Variants in FARP2 observed in about 807,000 individuals in gnomAD.
FARP2 encodes FERM, ARH/RhoGEF and pleckstrin domain protein 2.
A neutral mutation model predicts 130.5 loss-of-function variants in FARP2; 111 were observed. The observed-to-expected ratio is 0.85, with a 90% CI of 0.73 to 1.00. The LOEUF is 1.00. FARP2 is among the 50% of genes least tolerant of loss of function. FARP2 has a pLI of 0.00. For synonymous variants in FARP2, 504 were observed against 516.9 expected, an observed-to-expected ratio of 0.98 and a Z score of 0.34; for missense variants, 1,385 against 1,346.3, an observed-to-expected ratio of 1.03 and a Z score of -0.45.
chr2:241,465,343 C>A (rs954783239), intron 17 of FARP2: 2 of 768,596 alleles, frequency 2.6e-6, no homozygotes, highest in Non-Finnish European at 4.5e-6. Flanking sequence ...AGGACAGAGT[C>A]CCCCCTCCCC....
chr2:241,491,672 C>A lies in FARP2; in HGVS notation c.2780C>A (p.Ala927Asp). The A allele has an allele frequency of 6.2e-7, 1 of 1,601,994 alleles. No homozygotes were observed. Among genetic ancestry groups the A allele is most frequent in the Non-Finnish European group, 8.5e-7 (1 of 1,172,844 alleles). The change falls in exon 24 of 27, where the codon GCT becomes GAT. Residue 927 changes from alanine (A) to aspartate (D), a missense_variant. Ala to Asp is a moderately radical substitution (Grantham distance 126). Transcript: ENST00000264042. Reference sequence around the variant, plus strand: ...GTGTCCAGGGCAGACCACAGTGCAGCTGTCGAGGTACGACCGCATGAGCAC... The same window carrying A: ...GTGTCCAGGGCAGACCACAGTGCAGATGTCGAGGTACGACCGCATGAGCAC... ...TSVSRADHSA[A>D]VENQLSGYLL...
At position 241,484,249 on chromosome 2, in the gene FARP2, A is replaced by G. The variant is rs376189547; in HGVS notation, c.2339A>G (p.Asp780Gly). 42 of 1,613,992 alleles carry G rather than the reference A, an allele frequency of 2.6e-5. No individual in the cohort carries two copies. The highest frequency in any genetic ancestry group is 3.5e-5 in the Non-Finnish European group (41 of 1,179,982). Residue 780 changes from aspartate (D) to glycine (G), a missense_variant, in exon 21 of 27, where the codon GAT becomes GGT. Asp to Gly is a moderately conservative substitution (Grantham distance 94). Transcript: ENST00000264042. ...AAGCTTGCTGCTTCTCAGTTCTCAG[A>G]TATGTTGCTGTACACAAGCAAAGGA... ...LQQRMFFLFS[D>G]MLLYTSKGVA...
chr2:241,374,201 A>G (rs1334888602), intron 2 of FARP2, among the ~76,000 whole-genome samples: 1 of 151,992 alleles, frequency 6.6e-6, no homozygotes, highest in African/African-American at 2.4e-5. Context: ...TAGTAGAAAC[A>G]GGGTTTTGCC....
At chr2:241,435,747 A>G (rs1452038354) in intron 11 of FARP2, among the ~76,000 whole-genome samples, 2 of 148,148 alleles carry the variant, frequency 1.3e-5, no homozygotes, top group East Asian at 2.1e-4. Flanking sequence ...TCCTGACCTC[A>G]TGATCCACCC....
Position 241,456,544 on chromosome 2 carries a change from T to A in FARP2, c.1412-203T>A, listed in dbSNP as rs192324950. The A allele has an allele frequency of 1.7e-3, 996 of 572,694 alleles. 8 individuals carry two copies. The highest frequency in any genetic ancestry group is 5.4e-4 in the Non-Finnish European group (174 of 320,422). The allele number at this position is 572,694 out of a possible 1,614,324, so 35.5% of individuals were successfully genotyped here. A position where few individuals can be genotyped will look rare whatever the true frequency, so the allele number is the denominator to read the frequency against. Reference sequence around the variant, plus strand: ...CTGTGGATTGCTCTCTGAAATTGGGTAGATGAACCATCAACCCTCATTTTC... The same window carrying A: ...CTGTGGATTGCTCTCTGAAATTGGGAAGATGAACCATCAACCCTCATTTTC... On this transcript the variant is annotated intron_variant, in intron 13 of 26. Transcript: ENST00000264042.
chr2:241,484,296 C>T lies in FARP2; in HGVS notation c.2386C>T (p.Arg796Trp), dbSNP rs200700734. 97 of 1,614,162 alleles carry T rather than the reference C, an allele frequency of 6.0e-5. 1 individual carries two copies. Among genetic ancestry groups the T allele is most frequent in the South Asian group, 2.9e-4 (26 of 91,074 alleles). ...SKGVAGTSHF[R>W]IRGLLPLQGM... is the part of the protein sequence containing the mutation. ...AGGAGTTGCAGGGACCAGCCACTTC[C>T]GGATCCGGGGCCTCCTTCCCCTCCA... Residue 796 changes from arginine (R) to tryptophan (W), a missense_variant, in exon 21 of 27, where the codon CGG becomes TGG. Coordinates refer to ENST00000264042, the MANE Select transcript of FARP2 (RefSeq NM_014808.4).
intron 19 of FARP2, chr2:241,479,035 C>A: frequency 1.9e-6 from 1 of 538,244 alleles, no homozygotes; most frequent in African/African-American, 2.0e-5. Flanking sequence ...TTACTCTTTC[C>A]CAAGATGCAA....
chr2:241,474,836 T>TAAATA (rs1553734017), intron 18 of FARP2, among the ~76,000 whole-genome samples: 1 of 146,036 alleles, frequency 6.8e-6, no homozygotes, highest in African/African-American at 2.5e-5. Context: ...AATAAATAAA[T>TAAATA]AAAAAGAAAG....
intron 4 of FARP2, 96 bp downstream of exon 4, chr2:241,404,937 G>C: frequency 2.3e-6 from 2 of 885,126 alleles, no homozygotes; most frequent in Non-Finnish European, 3.7e-6. Flanking sequence ...TCTCACCACC[G>C]TGTATGGTTA....
At chr2:241,396,575 A>G (rs1255292177) in intron 2 of FARP2, among the ~76,000 whole-genome samples, 1 of 152,240 alleles carries the variant, frequency 6.6e-6, no homozygotes, top group Non-Finnish European at 1.5e-5. Flanking sequence ...CAACAAACAC[A>G]TGAAAAAATG....
intron 25 of FARP2, 57 bp from the exon 26 acceptor site, chr2:241,493,236 G>C: frequency 6.3e-7 from 1 of 1,577,120 alleles, no homozygotes; most frequent in Non-Finnish European, 8.7e-7. Flanking sequence ...GCAGAGGAAT[G>C]GGCATTCCCT....
chr2:241,470,804 G>C (rs1039774230), intron 18 of FARP2, among the ~76,000 whole-genome samples: 1 of 150,826 alleles, frequency 6.6e-6, no homozygotes, highest in African/African-American at 2.4e-5. Context: ...GGAGGATACT[G>C]TGCTGTGGGG....
At chr2:241,423,130 A>G (rs1459494313) in intron 8 of FARP2, among the ~76,000 whole-genome samples, 1 of 152,188 alleles carries the variant, frequency 6.6e-6, no homozygotes, top group Non-Finnish European at 1.5e-5. Flanking sequence ...AAGATACTCC[A>G]CAAGAAGATC....
chr2:241,394,314 T>G (rs1453803585), intron 2 of FARP2, among the ~76,000 whole-genome samples: 1 of 151,950 alleles, frequency 6.6e-6, no homozygotes, highest in Non-Finnish European at 1.5e-5. Flanking sequence ...GTCAGGAGAT[T>G]GAGACCATCC....
chr2:241,476,726 T>G (rs1295053406), intron 19 of FARP2, among the ~76,000 whole-genome samples: 1 of 152,112 alleles, frequency 6.6e-6, no homozygotes, highest in Non-Finnish European at 1.5e-5. Flanking sequence ...AATAGGTACA[T>G]ATATACATAC....
At chr2:241,365,962 T>C (rs989129313) in intron 1 of FARP2, among the ~76,000 whole-genome samples, 7 of 150,130 alleles carry the variant, frequency 4.7e-5, no homozygotes, top group Admixed American at 1.3e-4. Flanking sequence ...TCATTAGTTT[T>C]TGGTTTATGC....
chr2:241,359,933 G>A (rs1406490282), intron 1 of FARP2, among the ~76,000 whole-genome samples: 2 of 152,172 alleles, frequency 1.3e-5, no homozygotes, highest in South Asian at 2.1e-4. Context: ...TGGTCATACA[G>A]GACACGGTAG....
chr2:241,439,998 A>G (rs995050456), intron 12 of FARP2, among the ~76,000 whole-genome samples: 2 of 152,106 alleles, frequency 1.3e-5, no homozygotes, highest in Non-Finnish European at 2.9e-5. Flanking sequence ...TACGCTTTCA[A>G]TTTTCTTCCA....
chr2:241,467,764 G>A (rs13026988), intron 17 of FARP2, among the ~76,000 whole-genome samples: 30,622 of 152,070 alleles, frequency 0.2, 3,295 homozygotes, highest in Middle Eastern at 0.27. Context: ...GGCAGGACTC[G>A]GGTGGGCTTT....
Sources: gnomAD v4.1 joint callset for allele counts (sites outside exome capture counted in the v4.1 genomes callset) on GRCh38, gnomAD v4.1.1 for gene constraint, MANE v1.5 for transcripts, NCBI Gene and HGNC (gene_info 2026-07-23, HGNC 2026-07-21) for gene names.